The following MGA variants were observed in gnomAD, a reference collection of about 807,000 sequenced individuals.
The protein encoded by MGA is MAX gene-associated protein.
A neutral mutation model predicts 261.1 loss-of-function variants in MGA; 40 were observed. The ratio of observed to expected loss-of-function variants is 0.15; its 90% CI spans 0.12 to 0.20. The LOEUF is 0.20. MGA is among the 10% of genes least tolerant of loss of function. The pLI, the probability that MGA is intolerant of heterozygous loss-of-function variation, is 1.00. For synonymous variants in MGA, 1,302 were observed against 1,290.6 expected (o/e 1.01, Z -0.19); for missense variants, 3,397 against 3,630.5 (o/e 0.94, Z 1.65).
intron 15 of MGA, among the ~76,000 whole-genome samples, chr15:41,747,302 G>T (rs2062559383): frequency 1.3e-5 from 2 of 152,018 alleles, no homozygotes; most frequent in Non-Finnish European, 2.9e-5. Context: ...AAAACCAAAA[G>T]CCCTTTATAA....
intron 5 of MGA, among the ~76,000 whole-genome samples, chr15:41,701,861 T>G (rs2059870258): frequency 6.6e-6 from 1 of 152,246 alleles, no homozygotes; most frequent in Non-Finnish European, 1.5e-5. Context: ...TTTTTAAAAT[T>G]TATTCAACTA....
Position 41,764,892 on chromosome 15 carries a change from C to A in MGA, c.7751C>A (p.Thr2584Asn). Residue 2584 changes from threonine to asparagine, a missense_variant, in exon 23 of 24, where the codon ACC becomes AAC. Thr to Asn is a moderately conservative substitution (Grantham distance 65, BLOSUM62 0). This residue lies in a region of MGA where 647 missense variants were observed against 642.4 expected (regional missense o/e 1.01). Coordinates refer to ENST00000219905, the MANE Select transcript of MGA (RefSeq NM_001164273.2). ...TTTCTGATCTTTCTTACAGAAAATA[C>A]CTCACCCTTGAACACTCCACACACC... 1.9e-6 allele frequency: 3 copies of A among 1,613,850 alleles called. No homozygotes were observed. Among genetic ancestry groups the A allele is most frequent in the Non-Finnish European group, 2.5e-6 (3 of 1,179,804 alleles).
At chr15:41,701,595 A>G (rs567566928) in intron 5 of MGA, among the ~76,000 whole-genome samples, 27 of 152,118 alleles carry the variant, frequency 1.8e-4, no homozygotes, top group Non-Finnish European at 4.0e-4. Context: ...GAGTACAGGC[A>G]CTTCTTCTAA....
intron 1 of MGA, among the ~76,000 whole-genome samples, chr15:41,643,134 G>A (rs1420999137): frequency 1.4e-5 from 2 of 147,296 alleles, no homozygotes; most frequent in Non-Finnish European, 3.0e-5. Context: ...CTTGAATTGA[G>A]CTCAAGCCAT....
At chr15:41,643,897 A>G (rs1049905987) in intron 1 of MGA, among the ~76,000 whole-genome samples, 1 of 152,042 alleles carries the variant, frequency 6.6e-6, no homozygotes, top group Non-Finnish European at 1.5e-5. Flanking sequence ...ATCATTGCTA[A>G]ATCCAAGGTT....
chr15:41,712,764 G>C (rs4924572), intron 8 of MGA, among the ~76,000 whole-genome samples: 112,928 of 152,130 alleles, frequency 0.74, 43,491 homozygotes, highest in East Asian at 0.89. Context: ...CTCTCTATAG[G>C]AGTTACTGAA....
chr15:41,698,800 G>C (rs2059680893), intron 3 of MGA, 63 bp from the exon 4 acceptor site: 2 of 1,270,038 alleles, frequency 1.6e-6, no homozygotes, highest in Non-Finnish European at 2.2e-6. Flanking sequence ...TTTTAATCCT[G>C]TTTTACATTT....
Position 41,734,523 on chromosome 15 carries a change from A to T in MGA, c.3845A>T (p.Glu1282Val). 6.2e-7 allele frequency: 1 copy of T among 1,606,610 alleles called. No individual in the cohort carries two copies. Among genetic ancestry groups the T allele is most frequent in the Admixed American group, 1.7e-5 (1 of 59,136 alleles). ...TTTCTGTGTTACTGTCTCCTTCAGG[A>T]ACCTGATTCTGAACAGCAGCCCTTA... Residue 1282 changes from glutamate to valine, a missense_variant and splice_region_variant, in exon 12 of 24, where the codon GAA (glutamate) becomes GTA (valine). Coordinates refer to ENST00000219905, the MANE Select transcript of MGA (RefSeq NM_001164273.2).
intron 2 of MGA, among the ~76,000 whole-genome samples, chr15:41,690,820 A>C (rs1463686167): frequency 6.6e-6 from 1 of 152,190 alleles, no homozygotes; most frequent in Non-Finnish European, 1.5e-5. Flanking sequence ...TTGAGGTTGC[A>C]GTGAGGTATG....
At chr15:41,628,420 G>A (rs995399539) in intron 1 of MGA, among the ~76,000 whole-genome samples, 12 of 150,876 alleles carry the variant, frequency 8.0e-5, no homozygotes, top group African/African-American at 2.9e-4. Context: ...GAGATAGAGA[G>A]TGGTGGTGGT....
chr15:41,737,413 C>T (rs930476310), intron 13 of MGA, among the ~76,000 whole-genome samples: 1 of 151,650 alleles, frequency 6.6e-6, no homozygotes, highest in Non-Finnish European at 1.5e-5. Context: ...CCTTGGCCTC[C>T]CAAAGTGCTA....
chr15:41,736,622 A>G lies in MGA; in HGVS notation c.4358A>G (p.Tyr1453Cys), dbSNP rs2695167. 0.013 allele frequency: 21,597 copies of G among 1,613,962 alleles called. 185 individuals are homozygous for G. The highest frequency in any genetic ancestry group is 0.016 in the Non-Finnish European group (19,166 of 1,179,880). The change falls in exon 13 of 24, where the codon TAT becomes TGT. Residue 1453 changes from tyrosine to cysteine, a missense_variant. Tyr to Cys is a radical substitution (Grantham distance 194). This residue lies in a region of MGA where 1,410 missense variants were observed against 1,386.4 expected (regional missense o/e 1.02). Coordinates refer to ENST00000219905, the MANE Select transcript of MGA (RefSeq NM_001164273.2). ...CATGGAGGCAAAGGTCTGCCTTTTT[A>G]TGCAGGGCTTTCTCCTGCAGGGAAG...
rs1168731052 is a variant in MGA at position 41,769,794 on chromosome 15, C to T, written c.*2514C>T. Reference sequence around the variant, plus strand: ...AAGAATATAATTATGTCAGATTTAGCATTTTCTTTTATATATTAAATATAT... The same window carrying T: ...AAGAATATAATTATGTCAGATTTAGTATTTTCTTTTATATATTAAATATAT... On this transcript the variant is annotated 3_prime_UTR_variant, in exon 24 of 24. Transcript: ENST00000219905. The T allele has an allele frequency of 6.6e-6, 1 of 152,552 alleles. No homozygotes were observed. Among genetic ancestry groups the T allele is most frequent in the Non-Finnish European group, 1.5e-5 (1 of 68,018 alleles). 9.4% of individuals were successfully genotyped at this position (152,552 alleles called of 1,614,324 possible).
At chr15:41,630,284 A>G (rs1390482888) in intron 1 of MGA, among the ~76,000 whole-genome samples, 1 of 152,124 alleles carries the variant, frequency 6.6e-6, no homozygotes, top group Admixed American at 6.6e-5. Flanking sequence ...GACGGATAAA[A>G]TTGACCCCTT....
At chr15:41,621,501 C>G (rs2056280545) in intron 1 of MGA, 1 of 152,230 alleles carries the variant, frequency 6.6e-6, no homozygotes, top group African/African-American at 2.4e-5. Context: ...AACTGGCAGC[C>G]AATGACTAGC....
At chr15:41,740,329 T>G (rs1253219653) in intron 14 of MGA, 126 bp downstream of exon 14, 41 of 1,072,382 alleles carry the variant, frequency 3.8e-5, no homozygotes, top group Non-Finnish European at 5.4e-5. Context: ...TCTTGTTGTC[T>G]GTCTTGCCTG....
At chr15:41,760,244 T>C in intron 19 of MGA, 79 bp from the exon 20 acceptor site, 1 of 1,361,728 alleles carries the variant, frequency 7.3e-7, no homozygotes, top group Non-Finnish European at 1.0e-6. Context: ...GTGCCTGAAA[T>C]AGGGCAGTGT....
At chr15:41,745,281 T>TTAAAAAAAAAAAAAAA (rs1555432883) in intron 15 of MGA, among the ~76,000 whole-genome samples, 2 of 33,224 alleles carry the variant, frequency 6.0e-5, no homozygotes, top group Non-Finnish European at 1.3e-4. Context: ...GAATGATCAA[T>TTAAAAAAAAAAAAAAA]AAAAAAAAAA....
At chr15:41,720,542 A>G (rs746878433) in intron 9 of MGA, among the ~76,000 whole-genome samples, 15 of 152,080 alleles carry the variant, frequency 9.9e-5, no homozygotes, top group Non-Finnish European at 1.5e-4. Context: ...CTCAAAAATA[A>G]AAACTAAGGC....
Sources: gnomAD v4.1 joint callset for allele counts (sites outside exome capture counted in the v4.1 genomes callset) on GRCh38, gnomAD v4.1.1 for gene constraint, gnomAD v4.1.1 regional missense constraint, MANE v1.5 for transcripts, NCBI Gene and HGNC (gene_info 2026-07-23, HGNC 2026-07-21) for gene names.